Variants in TRAPPC12 observed in about 807,000 individuals in gnomAD.
TRAPPC12 encodes the protein TPR repeat protein 15.
Under a neutral mutation model 69.2 loss-of-function variants are expected in TRAPPC12, and 61 were observed. That is an observed-to-expected ratio of 0.88 (90% CI 0.72 to 1.09). TRAPPC12 has a LOEUF of 1.09. Among genes scored for constraint, TRAPPC12 ranks in the 50% least tolerant of loss-of-function variants. The pLI, the probability that TRAPPC12 is intolerant of heterozygous loss-of-function variation, is 0.00. For synonymous variants in TRAPPC12, 469 were observed against 438.9 expected (o/e 1.07, Z -0.86); for missense variants, 1,101 against 1,016.4 (o/e 1.08, Z -1.13).
At chr2:3,432,064 G>A (rs1663470749) in intron 5 of TRAPPC12, among the ~76,000 whole-genome samples, 1 of 152,204 alleles carries the variant, frequency 6.6e-6, no homozygotes, top group Admixed American at 6.5e-5. Context: ...CTCACTTCAA[G>A]TTTCCATGCA....
At chr2:3,426,557 C>G (rs1663111893) in intron 5 of TRAPPC12, among the ~76,000 whole-genome samples, 2 of 152,246 alleles carry the variant, frequency 1.3e-5, no homozygotes, top group Non-Finnish European at 2.9e-5. Flanking sequence ...GAAGTGGGGC[C>G]AGAGGAGTCT....
At position 3,457,300 on chromosome 2, in the gene TRAPPC12, G is replaced by A. The variant is rs937851539; in HGVS notation, c.1531-321G>A. 1.4e-5 allele frequency: 6 copies of A among 433,250 alleles called. No homozygotes were observed. The East Asian group carries it at 2.3e-4, about 17-fold the overall frequency. The allele number at this position is 433,250 out of a possible 1,614,324, so 26.8% of individuals were successfully genotyped here. On this transcript the variant is annotated intron_variant, in intron 6 of 11. Transcript: ENST00000324266. Reference sequence around the variant, plus strand: ...CAGAGACTACCAGTGGGGGGAGGGTGGGATGGGAGGAAGAGCTGAAAAATG... The same window carrying A: ...CAGAGACTACCAGTGGGGGGAGGGTAGGATGGGAGGAAGAGCTGAAAAATG...
intron 5 of TRAPPC12, among the ~76,000 whole-genome samples, chr2:3,443,122 G>A (rs1462252162): frequency 6.6e-6 from 1 of 152,230 alleles, no homozygotes; most frequent in African/African-American, 2.4e-5. Flanking sequence ...GGTTTCTCCT[G>A]AGCTTCTTCC....
At chr2:3,386,105 T>G (rs975021354) in intron 1 of TRAPPC12, among the ~76,000 whole-genome samples, 1 of 152,262 alleles carries the variant, frequency 6.6e-6, no homozygotes, top group Non-Finnish European at 1.5e-5. Flanking sequence ...ACTTGGATTA[T>G]GTACTTTAAA....
At chr2:3,389,809 A>T in intron 2 of TRAPPC12, 1 of 470,848 alleles carries the variant, frequency 2.1e-6, no homozygotes, top group Non-Finnish European at 4.4e-6. Flanking sequence ...TTTATTGAGC[A>T]CAAAACAGCT....
At position 3,424,657 on chromosome 2, in the gene TRAPPC12, C is replaced by T. The variant is rs775273317; in HGVS notation, c.1411C>T (p.Arg471Cys). 46 of 1,605,848 alleles carry T rather than the reference C, an allele frequency of 2.9e-5. No homozygotes were observed. Among genetic ancestry groups the T allele is most frequent in the Non-Finnish European group, 3.6e-5 (42 of 1,176,808 alleles). ...GTACTACCCGCACGTGTACCCTGGG[C>T]GCAGGGGTAAGGCCATGGTATTTAA... ...YEYYPHVYPG[R>C]RGSMVPFSMR... Residue 471 changes from arginine (R) to cysteine (C), a missense_variant, in exon 5 of 12, where the codon CGC becomes TGC. Transcript: ENST00000324266.
intron 3 of TRAPPC12, among the ~76,000 whole-genome samples, chr2:3,408,956 G>T (rs962188611): frequency 6.6e-6 from 1 of 152,162 alleles, no homozygotes; most frequent in African/African-American, 2.4e-5. Flanking sequence ...TGCCCTGCGC[G>T]GCCCGCTGCG....
intron 3 of TRAPPC12, among the ~76,000 whole-genome samples, chr2:3,408,151 C>G (rs1241942710): frequency 6.6e-6 from 1 of 152,176 alleles, no homozygotes; most frequent in Non-Finnish European, 1.5e-5. Flanking sequence ...CCTCCAAACA[C>G]GTGTGCTTGA....
chr2:3,405,132 G>T (rs1481481803), intron 3 of TRAPPC12, among the ~76,000 whole-genome samples: 1 of 144,064 alleles, frequency 6.9e-6, no homozygotes, highest in Non-Finnish European at 1.5e-5. Flanking sequence ...GAGCATTTCA[G>T]CAGGGTCTAC....
intron 8 of TRAPPC12, among the ~76,000 whole-genome samples, chr2:3,461,093 G>T (rs1051039934): frequency 6.6e-6 from 1 of 152,194 alleles, no homozygotes; most frequent in South Asian, 2.1e-4. Context: ...ACACCCATGC[G>T]GCTTTCATGG....
At chr2:3,463,270 G>T (rs1295460649) in intron 8 of TRAPPC12, among the ~76,000 whole-genome samples, 1 of 151,904 alleles carries the variant, frequency 6.6e-6, no homozygotes, top group African/African-American at 2.4e-5. Flanking sequence ...TTGACGATGG[G>T]CCCCCTGAAG....
intron 6 of TRAPPC12, chr2:3,455,405 A>T (rs147584387): frequency 6.6e-6 from 1 of 152,180 alleles, no homozygotes; most frequent in African/African-American, 2.4e-5. Context: ...TTTTTAACGT[A>T]CACTTAAATT....
intron 3 of TRAPPC12, among the ~76,000 whole-genome samples, chr2:3,406,632 C>T (rs111758828): frequency 2.3e-4 from 35 of 152,312 alleles, no homozygotes; most frequent in African/African-American, 7.9e-4. Flanking sequence ...AATGCAGTTA[C>T]GGATCTCCAG....
Position 3,388,311 on chromosome 2 carries a change from T to A in TRAPPC12, c.688T>A (p.Ser230Thr). ...GGACTTCTTCGACTCCTTTACTACC[T>A]CCGCCTTCATTTCCGTCAGCAATCC... ...ASDFFDSFTT[S>T]AFISVSNPGA... Residue 230 changes from serine (S) to threonine (T), a missense_variant, in exon 2 of 12, where the codon TCC (serine) becomes ACC (threonine). Coordinates refer to ENST00000324266, the MANE Select transcript of TRAPPC12 (RefSeq NM_016030.6). The A allele has an allele frequency of 6.2e-7, 1 of 1,604,534 alleles. No homozygotes were observed. The highest frequency in any genetic ancestry group is 8.5e-7 in the Non-Finnish European group (1 of 1,175,948).
chr2:3,419,875 C>T lies in TRAPPC12; in HGVS notation c.1165-2006C>T, dbSNP rs140605948. ...ATAGCATGGACAACACCAAGTGCCA[C>T]GGGACGTGCAGCCGTGGGACCCCTC... On this transcript the variant is annotated intron_variant, in intron 3 of 11. Coordinates refer to ENST00000324266, the MANE Select transcript of TRAPPC12 (RefSeq NM_016030.6). 3.2e-3 allele frequency among the ~76,000 whole-genome samples: 486 copies of T among 152,288 alleles called. 4 individuals are homozygous for T. The highest frequency in any genetic ancestry group is 6.7e-3 in the African/African-American group (279 of 41,550).
chr2:3,448,919 C>G (rs1325136968), intron 6 of TRAPPC12, among the ~76,000 whole-genome samples: 1 of 152,198 alleles, frequency 6.6e-6, no homozygotes, highest in Non-Finnish European at 1.5e-5. Flanking sequence ...AGTCTGTGTT[C>G]AGCATGTGTG....
At chr2:3,425,307 T>C (rs1215220838) in intron 5 of TRAPPC12, among the ~76,000 whole-genome samples, 1 of 152,174 alleles carries the variant, frequency 6.6e-6, no homozygotes. Context: ...TTGAAGCCTC[T>C]CATGTGTTCT....
At chr2:3,390,695 A>C (rs1660771850) in intron 2 of TRAPPC12, among the ~76,000 whole-genome samples, 1 of 152,202 alleles carries the variant, frequency 6.6e-6, no homozygotes, top group African/African-American at 2.4e-5. Flanking sequence ...AACCCATGGA[A>C]AGTGCTACAC....
At chr2:3,436,291 A>G (rs989531726) in intron 5 of TRAPPC12, among the ~76,000 whole-genome samples, 3 of 152,176 alleles carry the variant, frequency 2.0e-5, no homozygotes, top group Non-Finnish European at 4.4e-5. Flanking sequence ...CCTTCACCCC[A>G]AAGAAATGGA....
Sources: gnomAD v4.1 joint callset for allele counts (sites outside exome capture counted in the v4.1 genomes callset) on GRCh38, gnomAD v4.1.1 for gene constraint, MANE v1.5 for transcripts, NCBI Gene and HGNC (gene_info 2026-07-23, HGNC 2026-07-21) for gene names.